Variants in CDH13 observed in about 807,000 individuals in gnomAD.
CDH13 encodes the protein cadherin-13.
In CDH13, 24 loss-of-function variants were observed where a neutral mutation model predicts 63.8. That is an observed-to-expected ratio of 0.38 (90% CI 0.27 to 0.53). CDH13 has a LOEUF of 0.53. Among genes scored for constraint, CDH13 ranks in the 20% least tolerant of loss-of-function variants. The probability of loss-of-function intolerance (pLI) is 0.85; values close to 1 mark genes in which losing one functional copy is unlikely to be tolerated. For missense variants in CDH13, 1,049 were observed against 903.1 expected (o/e 1.16, Z -2.07); for synonymous variants, 503 against 355.3 (o/e 1.42, Z -4.67).
At chr16:82,878,742 A>G (rs908995182) in intron 2 of CDH13, among the ~76,000 whole-genome samples, 1 of 151,774 alleles carries the variant, frequency 6.6e-6, no homozygotes, top group African/African-American at 2.4e-5. Context: ...GGTTATTGAG[A>G]ATAAAAATTC....
chr16:83,280,192 T>C (rs77746182), intron 5 of CDH13, among the ~76,000 whole-genome samples: 2,570 of 152,340 alleles, frequency 0.017, 69 homozygotes, highest in African/African-American at 0.055. Flanking sequence ...TTTTACCTAC[T>C]GCAGAACTTG....
rs116692355 is a variant in CDH13 at position 83,473,736 on chromosome 16, G to C, written c.782-12741G>C. Among the ~76,000 whole-genome samples the C allele has an allele frequency of 3.9e-3, 587 of 152,278 alleles. 2 individuals are homozygous for C. Among genetic ancestry groups the C allele is most frequent in the African/African-American group, 0.014 (564 of 41,562 alleles). On this transcript the variant is annotated intron_variant, in intron 6 of 13. Coordinates refer to ENST00000567109, the MANE Select transcript of CDH13 (RefSeq NM_001257.5). ...TAATGTGAAATATCTGACATGAGCT[G>C]TGTGGAGCTGAGTAGGGAAGTTGGG...
chr16:82,790,283 A>G (rs578117352), intron 1 of CDH13, among the ~76,000 whole-genome samples: 20 of 152,140 alleles, frequency 1.3e-4, no homozygotes, highest in African/African-American at 4.6e-4. Context: ...AAAAACACAA[A>G]AATTAGCTGG....
chr16:82,947,284 TTCTG>T (rs1187511876), intron 2 of CDH13, among the ~76,000 whole-genome samples: 1 of 152,180 alleles, frequency 6.6e-6, no homozygotes, highest in Non-Finnish European at 1.5e-5. Context: ...TCTGTGTTTA[TTCTG>T]TCTATCTACT....
intron 7 of CDH13, among the ~76,000 whole-genome samples, chr16:83,516,710 T>A (rs892653160): frequency 6.6e-6 from 1 of 152,194 alleles, no homozygotes; most frequent in African/African-American, 2.4e-5. Context: ...GTATTTAAAA[T>A]GAATATATAG....
chr16:83,504,903 C>T (rs2074361810), intron 7 of CDH13, among the ~76,000 whole-genome samples: 2 of 152,082 alleles, frequency 1.3e-5, no homozygotes, highest in South Asian at 2.1e-4. Flanking sequence ...GACATGTCAA[C>T]GTAATTATTT....
At chr16:83,271,147 A>C (rs79291888) in intron 5 of CDH13, among the ~76,000 whole-genome samples, 44 of 152,104 alleles carry the variant, frequency 2.9e-4, no homozygotes, top group East Asian at 1.2e-3. Flanking sequence ...GGTTTTGACC[A>C]CTGATACATG....
chr16:82,877,267 T>G (rs1025367313), intron 2 of CDH13, among the ~76,000 whole-genome samples: 3 of 152,234 alleles, frequency 2.0e-5, no homozygotes, highest in African/African-American at 7.2e-5. Flanking sequence ...AGTAGGTTAT[T>G]GTTTGATAGA....
intron 10 of CDH13, among the ~76,000 whole-genome samples, chr16:83,695,984 G>A (rs1479572385): frequency 6.6e-6 from 1 of 151,892 alleles, no homozygotes; most frequent in Non-Finnish European, 1.5e-5. Flanking sequence ...CTGCCTCCTG[G>A]GCTCAAGGGA....
At chr16:82,805,502 C>G (rs1432786605) in intron 1 of CDH13, among the ~76,000 whole-genome samples, 1 of 152,032 alleles carries the variant, frequency 6.6e-6, no homozygotes, top group Non-Finnish European at 1.5e-5. Flanking sequence ...GGGCAGAATA[C>G]CAAAATGAGT....
At chr16:83,717,246 C>A (rs925980201) in intron 10 of CDH13, among the ~76,000 whole-genome samples, 1 of 151,750 alleles carries the variant, frequency 6.6e-6, no homozygotes, top group African/African-American at 2.4e-5. Flanking sequence ...GATGACAGAG[C>A]GAGATACTAT....
At chr16:83,021,151 T>C (rs922845433) in intron 2 of CDH13, among the ~76,000 whole-genome samples, 2 of 152,200 alleles carry the variant, frequency 1.3e-5, no homozygotes, top group Non-Finnish European at 2.9e-5. Flanking sequence ...AATGGGTGAC[T>C]TTCAAATCCA....
intron 5 of CDH13, among the ~76,000 whole-genome samples, chr16:83,280,494 G>A (rs2089136939): frequency 6.6e-6 from 1 of 152,128 alleles, no homozygotes; most frequent in South Asian, 2.1e-4. Flanking sequence ...CTGAAGTCTT[G>A]AGCCCCTCAA....
At chr16:83,777,927 A>G (rs1915233175) in intron 11 of CDH13, among the ~76,000 whole-genome samples, 1 of 152,272 alleles carries the variant, frequency 6.6e-6, no homozygotes, top group African/African-American at 2.4e-5. Context: ...GTATTAGTTT[A>G]TTAAACTGAT....
At chr16:83,213,388 G>A (rs79200036) in intron 4 of CDH13, among the ~76,000 whole-genome samples, 3,287 of 152,264 alleles carry the variant, frequency 0.022, 41 homozygotes, top group Middle Eastern at 0.061. Context: ...GGGTGGTGAT[G>A]TTTGTCCCAA....
At chr16:83,105,447 T>G (rs1209776976) in intron 3 of CDH13, among the ~76,000 whole-genome samples, 1 of 152,220 alleles carries the variant, frequency 6.6e-6, no homozygotes, top group African/African-American at 2.4e-5. Context: ...TGCCAGTTTA[T>G]GAGGCAATTC....
At chr16:83,261,711 T>TTA (rs1907015931) in intron 5 of CDH13, among the ~76,000 whole-genome samples, 1 of 151,676 alleles carries the variant, frequency 6.6e-6, no homozygotes, top group African/African-American at 2.4e-5. Context: ...TCCTCTTTTT[T>TTA]TTTTTTTTGA....
At chr16:82,991,919 C>A (rs1414881242) in intron 2 of CDH13, among the ~76,000 whole-genome samples, 1 of 151,922 alleles carries the variant, frequency 6.6e-6, no homozygotes, top group East Asian at 1.9e-4. Context: ...TTTACCAGAA[C>A]TTTTTCCATT....
intron 8 of CDH13, among the ~76,000 whole-genome samples, chr16:83,655,736 A>T (rs2150827735): frequency 6.6e-6 from 1 of 152,264 alleles, no homozygotes; most frequent in East Asian, 1.9e-4. Context: ...ACTCCCAAAC[A>T]CCCAGAATCG....
Sources: gnomAD v4.1 joint callset for allele counts (sites outside exome capture counted in the v4.1 genomes callset) on GRCh38, gnomAD v4.1.1 for gene constraint, MANE v1.5 for transcripts, NCBI Gene and HGNC (gene_info 2026-07-23, HGNC 2026-07-21) for gene names.